CYRIA: variants seen among roughly 807,000 people sequenced by gnomAD.
CYRIA encodes the protein CYFIP-related Rac1 interactor A.
A neutral mutation model predicts 43.9 loss-of-function variants in CYRIA; 15 were observed. The observed-to-expected ratio is 0.34, with a 90% CI of 0.23 to 0.53. CYRIA has a LOEUF of 0.53. Among genes scored for constraint, CYRIA ranks in the 20% least tolerant of loss-of-function variants. The probability of loss-of-function intolerance (pLI) is 0.94; values close to 1 mark genes in which losing one functional copy is unlikely to be tolerated. For synonymous variants in CYRIA, 117 were observed against 136.0 expected (o/e 0.86, Z 0.97); for missense variants, 236 against 394.2 (o/e 0.60, Z 3.40).
intron 3 of CYRIA, among the ~76,000 whole-genome samples, chr2:16,584,918 C>T (rs1667672633): frequency 1.3e-5 from 2 of 152,070 alleles, no homozygotes; most frequent in South Asian, 4.1e-4. Flanking sequence ...GCTCTTTTTC[C>T]TTCCTTACTG....
At chr2:16,558,798 G>C (rs542893196) in intron 10 of CYRIA, among the ~76,000 whole-genome samples, 1 of 151,808 alleles carries the variant, frequency 6.6e-6, no homozygotes, top group East Asian at 1.9e-4. Flanking sequence ...TCCTTGTCAA[G>C]AAATTGTCTG....
At chr2:16,584,614 C>T (rs533429245) in intron 3 of CYRIA, among the ~76,000 whole-genome samples, 1 of 152,314 alleles carries the variant, frequency 6.6e-6, no homozygotes, top group Non-Finnish European at 1.5e-5. Flanking sequence ...CCAGGCTTGG[C>T]AGCCTTACTT....
At chr2:16,639,139 C>T (rs1308311650) in intron 1 of CYRIA, among the ~76,000 whole-genome samples, 1 of 152,220 alleles carries the variant, frequency 6.6e-6, no homozygotes, top group Non-Finnish European at 1.5e-5. Flanking sequence ...CTGTTACTGT[C>T]TGGAAGGCCC....
At chr2:16,572,657 T>C (rs560839566) in intron 3 of CYRIA, among the ~76,000 whole-genome samples, 232 of 152,294 alleles carry the variant, frequency 1.5e-3, no homozygotes, top group Non-Finnish European at 2.8e-3. Context: ...TCTGAATAGG[T>C]CAACATAGTC....
intron 3 of CYRIA, among the ~76,000 whole-genome samples, chr2:16,573,224 G>T (rs912908000): frequency 1.6e-4 from 25 of 152,324 alleles, no homozygotes; most frequent in African/African-American, 5.5e-4. Context: ...AGCATAAGAT[G>T]CCATCTAAAT....
At chr2:16,620,287 C>T (rs980944898) in intron 2 of CYRIA, among the ~76,000 whole-genome samples, 18 of 152,358 alleles carry the variant, frequency 1.2e-4, no homozygotes, top group Admixed American at 7.8e-4. Flanking sequence ...CCCATCATTT[C>T]TACTAGAATA....
At chr2:16,655,432 C>T (rs1216356140) in intron 1 of CYRIA, among the ~76,000 whole-genome samples, 1 of 152,220 alleles carries the variant, frequency 6.6e-6, no homozygotes, top group South Asian at 2.1e-4. Flanking sequence ...TAGGCTTATA[C>T]CCAGGGGACT....
intron 1 of CYRIA, among the ~76,000 whole-genome samples, chr2:16,665,330 C>G (rs1352626636): frequency 1.3e-5 from 2 of 151,928 alleles, no homozygotes; most frequent in Non-Finnish European, 2.9e-5. Flanking sequence ...CAGAAGGGTC[C>G]AGGTGTGCAG....
chr2:16,579,419 G>GCACACACACA (rs35850813), intron 3 of CYRIA, among the ~76,000 whole-genome samples: 1,854 of 147,414 alleles, frequency 0.013, 39 homozygotes, highest in African/African-American at 0.041. Context: ...ACATGCACAT[G>GCACACACACA]CACACACACA....
chr2:16,585,313 T>C (rs999058716), intron 3 of CYRIA, among the ~76,000 whole-genome samples: 3 of 152,130 alleles, frequency 2.0e-5, no homozygotes, highest in African/African-American at 7.2e-5. Flanking sequence ...CTGTAGCTCT[T>C]CTAGGAAGCT....
At chr2:16,585,353 A>T (rs1480540156) in intron 3 of CYRIA, among the ~76,000 whole-genome samples, 1 of 152,008 alleles carries the variant, frequency 6.6e-6, no homozygotes, top group Non-Finnish European at 1.5e-5. Context: ...GGGAAGTAAA[A>T]CCAGGGGAGG....
chr2:16,576,635 G>A (rs537660317), intron 3 of CYRIA, among the ~76,000 whole-genome samples: 1 of 152,186 alleles, frequency 6.6e-6, no homozygotes, highest in East Asian at 1.9e-4. Flanking sequence ...CATTATTGAT[G>A]TTGGTCATTA....
chr2:16,564,222 C>T (rs191256596), intron 4 of CYRIA, 128 bp from the exon 5 acceptor site: 132 of 618,162 alleles, frequency 2.1e-4, no homozygotes, highest in African/African-American at 8.8e-4. Context: ...AAATCAACAC[C>T]GGTTCATCGG....
chr2:16,571,039 C>T (rs1323637440), intron 3 of CYRIA, among the ~76,000 whole-genome samples: 1 of 152,066 alleles, frequency 6.6e-6, no homozygotes, highest in Non-Finnish European at 1.5e-5. Context: ...GTATCCAGGA[C>T]ATTATGTGGG....
intron 1 of CYRIA, chr2:16,625,912 G>C (rs1417848422): frequency 1.3e-5 from 2 of 151,868 alleles, no homozygotes; most frequent in Non-Finnish European, 2.9e-5. Context: ...CACTCAGCTG[G>C]GTTCAGCACA....
chr2:16,664,960 G>A (rs1027687143), intron 1 of CYRIA, among the ~76,000 whole-genome samples: 4 of 152,172 alleles, frequency 2.6e-5, no homozygotes, highest in African/African-American at 7.2e-5. Context: ...GAATTCTGGG[G>A]ATGCGTGGGG....
At chr2:16,579,449 G>A (rs199893207) in intron 3 of CYRIA, among the ~76,000 whole-genome samples, 1,534 of 113,736 alleles carry the variant, frequency 0.013, 24 homozygotes, top group African/African-American at 0.054. Flanking sequence ...ACACACACTC[G>A]CTCTCTCTCT....
intron 2 of CYRIA, among the ~76,000 whole-genome samples, chr2:16,609,855 C>G (rs1314913907): frequency 6.6e-6 from 1 of 152,200 alleles, no homozygotes; most frequent in Non-Finnish European, 1.5e-5. Flanking sequence ...TATTCACACA[C>G]TCTTACTGGT....
intron 2 of CYRIA, among the ~76,000 whole-genome samples, chr2:16,610,934 A>ATATATATC (rs1668575459): frequency 8.1e-6 from 1 of 122,798 alleles, no homozygotes; most frequent in African/African-American, 3.4e-5. Flanking sequence ...ATATATATAT[A>ATATATATC]TATCCTGTAT....
Sources: allele counts gnomAD v4.1 joint callset (sites outside exome capture counted in the v4.1 genomes callset), GRCh38; gene constraint gnomAD v4.1.1; transcripts MANE v1.5; gene names NCBI Gene and HGNC (gene_info 2026-07-23, HGNC 2026-07-21).